Variants in SEMA3G observed in about 807,000 individuals in gnomAD.
SEMA3G encodes the protein semaphorin-3G.
Under a neutral mutation model 86.2 loss-of-function variants are expected in SEMA3G, and 70 were observed. The observed-to-expected ratio is 0.81, with a 90% CI of 0.67 to 0.99. SEMA3G has a LOEUF of 0.99. SEMA3G is among the 50% of genes least tolerant of loss of function. The pLI is 0.00. For missense variants in SEMA3G, 1,002 were observed against 1,072.4 expected (o/e 0.93, Z 0.92); for synonymous variants, 416 against 441.4 (o/e 0.94, Z 0.72).
At chr3:52,436,328 T>C (rs1302742992) in intron 15 of SEMA3G, among the ~76,000 whole-genome samples, 1 of 152,226 alleles carries the variant, frequency 6.6e-6, no homozygotes, top group African/African-American at 2.4e-5. Flanking sequence ...GTTTCTCCCT[T>C]AGTCAGAGGA....
chr3:52,437,113 TTG>T (rs996910049), intron 15 of SEMA3G, among the ~76,000 whole-genome samples: 4 of 151,876 alleles, frequency 2.6e-5, no homozygotes, highest in Non-Finnish European at 4.4e-5. Flanking sequence ...TTCTCTTCTG[TTG>T]TGTGTGTGTA....
rs772531394 is a variant in SEMA3G, at chr3:52,441,272, C to T, written c.805G>A (p.Val269Ile). Reference sequence around the variant, plus strand: ...CCCTTCCCAGCTCTTACCACGCAGACGCGGCCCACGCGGCTGACAGTGACA... The same window carrying T: ...CCCTTCCCAGCTCTTACCACGCAGATGCGGCCCACGCGGCTGACAGTGACA... ...NHVTVSRVGRVCVNDAGGQRV... is the reference protein window; with the variant it reads ...NHVTVSRVGRICVNDAGGQRV... The change falls in exon 7 of 16, where the codon GTC (valine) becomes ATC (isoleucine). Residue 269 changes from valine to isoleucine, a missense_variant. By Grantham distance (29) the Val-to-Ile change is conservative. Coordinates refer to ENST00000231721, the MANE Select transcript of SEMA3G (RefSeq NM_020163.3). 3.1e-6 allele frequency: 5 copies of T among 1,613,036 alleles called. No individual in the cohort carries two copies. The highest frequency in any genetic ancestry group is 4.5e-5 in the East Asian group (2 of 44,866).
intron 1 of SEMA3G, among the ~76,000 whole-genome samples, chr3:52,443,733 T>G (rs1175288523): frequency 6.6e-6 from 1 of 152,196 alleles, no homozygotes; most frequent in Non-Finnish European, 1.5e-5. Context: ...CTTGGGGAAC[T>G]TTCCCTATTT....
chr3:52,435,549 G>A lies in SEMA3G; in HGVS notation c.*54C>T. On this transcript the variant is annotated 3_prime_UTR_variant, in exon 16 of 16. Coordinates refer to ENST00000231721, the MANE Select transcript of SEMA3G (RefSeq NM_020163.3). ...CTAGCTGGGTGGGTGGGAGATGCTGGGGGCTGCTAGTGGGCCCCCCAGCCC... is the reference window on the plus strand; with the variant it reads ...CTAGCTGGGTGGGTGGGAGATGCTGAGGGCTGCTAGTGGGCCCCCCAGCCC... 1 of 1,532,770 alleles carries A rather than the reference G, an allele frequency of 6.5e-7. No individual in the cohort carries two copies. The highest frequency in any genetic ancestry group is 1.2e-5 in the South Asian group (1 of 82,716). The allele number at this position is 1,532,770 out of a possible 1,614,324, so 94.9% of individuals were successfully genotyped here. A position where few individuals can be genotyped will look rare whatever the true frequency, so the allele number is the denominator to read the frequency against.
At position 52,442,288 on chromosome 3, in the gene SEMA3G, A is replaced by C; in HGVS notation, c.356T>G (p.Phe119Cys). Residue 119 changes from phenylalanine to cysteine, a missense_variant, in exon 4 of 16, where the codon TTC (phenylalanine) becomes TGC (cysteine). Coordinates refer to ENST00000231721, the MANE Select transcript of SEMA3G (RefSeq NM_020163.3). The surrounding 1 kb of genome is among the most constrained non-coding windows in gnomAD (Gnocchi z 6.1). ...GTTGTGAGGCTGTAGCACCCGCACG[A>C]AGTTGGCGCACTCTGTCTGCGGGGA... ...GRDPLTECANFVRVLQPHNRT... is the reference protein window; with the variant it reads ...GRDPLTECANCVRVLQPHNRT... 6.2e-7 allele frequency: 1 copy of C among 1,610,414 alleles called. No individual in the cohort carries two copies. Among genetic ancestry groups the C allele is most frequent in the Non-Finnish European group, 8.5e-7 (1 of 1,178,118 alleles).
rs967798793 is a variant in SEMA3G at position 52,435,872 on chromosome 3, C to G, written c.2080G>C (p.Ala694Pro). 1 of 1,614,108 alleles carries G rather than the reference C, an allele frequency of 6.2e-7. No individual in the cohort carries two copies. The highest frequency in any genetic ancestry group is 8.5e-7 in the Non-Finnish European group (1 of 1,180,042). Residue 694 changes from alanine to proline, a missense_variant, in exon 16 of 16, where the codon GCC becomes CCC. Ala to Pro is a conservative substitution (Grantham distance 27, BLOSUM62 -1). Coordinates refer to ENST00000231721, the MANE Select transcript of SEMA3G (RefSeq NM_020163.3). ...PPEPKPEEPP[A>P]RGGLASTPPK... is the part of the protein sequence containing the mutation. ...GGGGTGGAAGCCAGGCCTCCCCGGG[C>G]TGGGGGCTCCTCTGGCTTTGGCTCC...
chr3:52,438,838 G>A (rs1490317326), intron 13 of SEMA3G, 82 bp downstream of exon 13: 7 of 1,583,840 alleles, frequency 4.4e-6, no homozygotes, highest in Non-Finnish European at 5.2e-6. Flanking sequence ...AGCTCGAGGA[G>A]GCTGCGGAGC....
chr3:52,443,168 C>A (rs1341428497), intron 1 of SEMA3G: 6 of 765,370 alleles, frequency 7.8e-6, no homozygotes, highest in Non-Finnish European at 8.4e-6. Flanking sequence ...CTTCATCATG[C>A]AGCTAACATC....
chr3:52,440,957 G>A lies in SEMA3G; in HGVS notation c.905C>T (p.Ala302Val). ...LVCSVPGPGG[A>V]ETHFDQLEDV... is the part of the protein sequence containing the mutation. ...ACCTAGCTGGTCAAAGTGGGTCTCG[G>A]CACCACCAGGGCCGGGCACCGAGCA... The change falls in exon 8 of 16, where the codon GCC becomes GTC. Residue 302 changes from alanine (A) to valine (V), a missense_variant. Physicochemically the swap from Ala to Val is moderately conservative, Grantham distance 64. Transcript: ENST00000231721. 1 of 1,606,566 alleles carries A rather than the reference G, an allele frequency of 6.2e-7. No individual in the cohort carries two copies.
At chr3:52,436,214 A>G (rs1706048216) in intron 15 of SEMA3G, 141 bp from the exon 16 acceptor site, 2 of 1,429,924 alleles carry the variant, frequency 1.4e-6, no homozygotes, top group East Asian at 2.5e-5. Flanking sequence ...GGAGGGGACC[A>G]GCAGCGTGGC....
rs766435587 is a variant in SEMA3G at position 52,436,012 on chromosome 3, C to T, written c.1940G>A (p.Arg647His). ...GCAGGTGTAGGTGCCCGCATCGAAA[C>T]GGCTAAGCCTGCGGAACAGCAGCCC... ...ERGLLFRRLS[R>H]FDAGTYTCTT... The change falls in exon 16 of 16, where the codon CGT (arginine) becomes CAT (histidine). Residue 647 changes from arginine to histidine, a missense_variant. Arg to His is a conservative substitution (Grantham distance 29). Transcript: ENST00000231721. The T allele has an allele frequency of 8.7e-6, 14 of 1,613,522 alleles. No individual in the cohort carries two copies. Among genetic ancestry groups the T allele is most frequent in the African/African-American group, 4.0e-5 (3 of 74,942 alleles).
Position 52,442,321 on chromosome 3 carries a change from G to C in SEMA3G, c.340-17C>G, listed in dbSNP as rs1706174403. ...GCACTCTGTCTGCGGGGAGAAGGAG[G>C]GGGTGGTTGAGGGGTGAGAGGGGGT... On this transcript the variant is annotated splice_polypyrimidine_tract_variant and intron_variant, in intron 3 of 15. Coordinates refer to ENST00000231721, the MANE Select transcript of SEMA3G (RefSeq NM_020163.3). The surrounding 1 kb of genome is among the most constrained non-coding windows in gnomAD (Gnocchi z 6.1). 6.2e-7 allele frequency: 1 copy of C among 1,612,882 alleles called. No homozygotes were observed. The highest frequency in any genetic ancestry group is 8.5e-7 in the Non-Finnish European group (1 of 1,179,606).
At position 52,442,866 on chromosome 3, in the gene SEMA3G, G is replaced by C; in HGVS notation, c.157C>G (p.Gln53Glu). The C allele has an allele frequency of 6.2e-7, 1 of 1,608,620 alleles. No homozygotes were observed. Among genetic ancestry groups the C allele is most frequent in the Non-Finnish European group, 8.5e-7 (1 of 1,177,538 alleles). Residue 53 changes from glutamine to glutamate, a missense_variant, in exon 2 of 16, where the codon CAG becomes GAG. Gln to Glu is a conservative substitution (Grantham distance 29). Coordinates refer to ENST00000231721, the MANE Select transcript of SEMA3G (RefSeq NM_020163.3). This position sits in a 1 kb window ranked among gnomAD's most constrained non-coding sequence, Gnocchi z 6.1. ...ANRSAIFLGP[Q>E]GSLNLQAMYL... Reference sequence around the variant, plus strand: ...ATGGCCTGGAGGTTCAGGGAGCCCTGGGGGCCCAGAAAGATGGCAGAGCGG... The same window carrying C: ...ATGGCCTGGAGGTTCAGGGAGCCCTCGGGGCCCAGAAAGATGGCAGAGCGG...
chr3:52,438,491 C>T (rs1706089621), intron 13 of SEMA3G: 7 of 985,448 alleles, frequency 7.1e-6, no homozygotes, highest in Non-Finnish European at 8.4e-6. Context: ...GGGCCTTTAT[C>T]CTGAGTTGTC....
At chr3:52,438,264 C>T in intron 13 of SEMA3G, 65 bp from the exon 14 acceptor site, 1 of 1,484,324 alleles carries the variant, frequency 6.7e-7, no homozygotes, top group Non-Finnish European at 9.2e-7. Flanking sequence ...GCCAGGCTCT[C>T]AGCCCCTCAG....
In SEMA3G at chr3:52,442,572, C is replaced by T; in HGVS notation, c.326G>A (p.Gly109Glu). 1 of 1,614,134 alleles carries T rather than the reference C, an allele frequency of 6.2e-7. No homozygotes were observed. The highest frequency in any genetic ancestry group is 8.5e-7 in the Non-Finnish European group (1 of 1,179,984). ...PGQREECVRK[G>E]RDPLTECANF... ...GACAGCACTCACCAAAGGATCTCTT[C>T]CCTTTCGAACACACTCCTCCCTCTG... The change falls in exon 3 of 16, where the codon GGA becomes GAA. Residue 109 changes from glycine to glutamate, a missense_variant. Transcript: ENST00000231721. This position sits in a 1 kb window ranked among gnomAD's most constrained non-coding sequence, Gnocchi z 6.1.
In SEMA3G at chr3:52,442,366, C is replaced by T. The variant is rs1416225097; in HGVS notation, c.340-62G>A. 1.5e-5 allele frequency: 23 copies of T among 1,570,488 alleles called. No homozygotes were observed. The East Asian group carries it at 5.0e-4, about 34-fold the overall frequency. On this transcript the variant is annotated intron_variant, in intron 3 of 15. Coordinates refer to ENST00000231721, the MANE Select transcript of SEMA3G (RefSeq NM_020163.3). This position sits in a 1 kb window ranked among gnomAD's most constrained non-coding sequence, Gnocchi z 6.1. ...GGGGGTGCCCACCATCTCCTTGGGG[C>T]CCAAGGCTCAGCCCTGTCTGGCGGT...
Position 52,435,221 on chromosome 3 carries a change from ACC to A in SEMA3G, c.*380_*381del, listed in dbSNP as rs994435751. On this transcript the variant is annotated 3_prime_UTR_variant, in exon 16 of 16. Transcript: ENST00000231721. Reference sequence around the variant, plus strand: ...GGATACCCCCTAGACGCACCCACACACCCACTCTGAGGGTCACTCAGAATGGC... The same window carrying A: ...GGATACCCCCTAGACGCACCCACACACACTCTGAGGGTCACTCAGAATGGC... 3 of 252,036 alleles carry A rather than the reference ACC, an allele frequency of 1.2e-5. No homozygotes were observed. Among genetic ancestry groups the A allele is most frequent in the Non-Finnish European group, 2.3e-5 (3 of 129,428 alleles). The allele number at this position is 252,036 out of a possible 1,614,324, so 15.6% of individuals were successfully genotyped here. A position where few individuals can be genotyped will look rare whatever the true frequency, so the allele number is the denominator to read the frequency against.
In SEMA3G at chr3:52,439,986, C is replaced by T. The variant is rs1050266674; in HGVS notation, c.1256G>A (p.Arg419Gln). ...AAGGACAGGGCGGCCATGTCGAGGC[C>T]GCACAGGCCAGAACATGAGGGGGTG... ...RAHPLMFWPVRPRHGRPVLVK... is the reference protein window; with the variant it reads ...RAHPLMFWPVQPRHGRPVLVK... The change falls in exon 11 of 16, where the codon CGG becomes CAG. Residue 419 changes from arginine (R) to glutamine (Q), a missense_variant. Physicochemically the swap from Arg to Gln is conservative, Grantham distance 43. Coordinates refer to ENST00000231721, the MANE Select transcript of SEMA3G (RefSeq NM_020163.3). 8.1e-6 allele frequency: 13 copies of T among 1,613,542 alleles called. 1 individual carries two copies. Among genetic ancestry groups the T allele is most frequent in the Middle Eastern group, 1.6e-4 (1 of 6,080 alleles).
Sources: allele counts gnomAD v4.1 joint callset (sites outside exome capture counted in the v4.1 genomes callset), GRCh38; gene constraint gnomAD v4.1.1; non-coding constraint Gnocchi (gnomAD v3.1); transcripts MANE v1.5; gene names NCBI Gene and HGNC (gene_info 2026-07-23, HGNC 2026-07-21).